The following RABGAP1L variants were observed in gnomAD, a reference collection of about 807,000 sequenced individuals.
RABGAP1L encodes rab GTPase-activating protein 1-like.
A neutral mutation model predicts 137.7 loss-of-function variants in RABGAP1L; 63 were observed. The ratio of observed to expected loss-of-function variants is 0.46; its 90% CI spans 0.37 to 0.56. The LOEUF is 0.56. Ranked by LOEUF, RABGAP1L falls within the 20% of genes least tolerant of loss-of-function variation. The pLI is 0.00. For missense variants in RABGAP1L, 1,095 were observed against 1,244.0 expected (o/e 0.88, Z 1.80); for synonymous variants, 431 against 433.7 (o/e 0.99, Z 0.08).
chr1:174,500,435 A>G (rs903108825), intron 13 of RABGAP1L, among the ~76,000 whole-genome samples: 2 of 151,998 alleles, frequency 1.3e-5, no homozygotes, highest in African/African-American at 4.8e-5. Flanking sequence ...GGCCCCCTCA[A>G]TGTATCATTC....
At chr1:174,587,755 C>A (rs1183472517) in intron 13 of RABGAP1L, among the ~76,000 whole-genome samples, 1 of 152,062 alleles carries the variant, frequency 6.6e-6, no homozygotes, top group Non-Finnish European at 1.5e-5. Flanking sequence ...TATTTTGATA[C>A]AGGCATGCAA....
chr1:174,810,584 G>A (rs1689772769), intron 18 of RABGAP1L, among the ~76,000 whole-genome samples: 1 of 152,160 alleles, frequency 6.6e-6, no homozygotes, highest in African/African-American at 2.4e-5. Flanking sequence ...ACAGCATGTA[G>A]TTATGTGATT....
rs572504464 is a variant in RABGAP1L at position 174,720,931 on chromosome 1, A to G, written c.2169+18675A>G. Reference sequence around the variant, plus strand: ...TTTATGGTGTTTGAATTACATCTCAATGTAACAAAATAACTTGAAGCAGGA... The same window carrying G: ...TTTATGGTGTTTGAATTACATCTCAGTGTAACAAAATAACTTGAAGCAGGA... On this transcript the variant is annotated intron_variant, in intron 17 of 25. Transcript: ENST00000681986. Among the ~76,000 whole-genome samples, 6 of 152,354 alleles carry G rather than the reference A, an allele frequency of 3.9e-5. No individual in the cohort carries two copies. The South Asian group carries it at 8.3e-4, about 21-fold the overall frequency.
At chr1:174,699,405 A>T in intron 15 of RABGAP1L, 120 bp from the exon 16 acceptor site, 1 of 753,358 alleles carries the variant, frequency 1.3e-6, no homozygotes. Flanking sequence ...GCTCTGAAGG[A>T]CTTCATTTGC....
chr1:174,708,535 C>A (rs1028609924), intron 17 of RABGAP1L, among the ~76,000 whole-genome samples: 3 of 152,104 alleles, frequency 2.0e-5, no homozygotes, highest in African/African-American at 7.2e-5. Flanking sequence ...CTGGGAAGCA[C>A]AAGGGGTCAA....
chr1:174,603,994 G>C (rs1670599200), intron 13 of RABGAP1L, among the ~76,000 whole-genome samples: 1 of 151,682 alleles, frequency 6.6e-6, no homozygotes, highest in African/African-American at 2.4e-5. Context: ...CTGGAGCTGT[G>C]AGCTGTGCTG....
intron 7 of RABGAP1L, among the ~76,000 whole-genome samples, chr1:174,261,081 T>C (rs1038616172): frequency 1.3e-5 from 2 of 152,068 alleles, no homozygotes; most frequent in African/African-American, 2.4e-5. Context: ...CACCAGGTTT[T>C]ATGTCTGTCC....
At chr1:174,812,370 C>G (rs1689956500) in intron 19 of RABGAP1L, among the ~76,000 whole-genome samples, 1 of 152,204 alleles carries the variant, frequency 6.6e-6, no homozygotes, top group Non-Finnish European at 1.5e-5. Context: ...TCTTGATCTG[C>G]CCATTCCCAT....
chr1:174,624,340 G>T (rs1041111901), intron 13 of RABGAP1L, among the ~76,000 whole-genome samples: 1 of 151,720 alleles, frequency 6.6e-6, no homozygotes, highest in Non-Finnish European at 1.5e-5. Flanking sequence ...AGTTTTTTTT[G>T]GCTGTTAGCA....
chr1:174,780,143 C>T (rs1686861841), intron 18 of RABGAP1L, among the ~76,000 whole-genome samples: 1 of 151,926 alleles, frequency 6.6e-6, no homozygotes, highest in African/African-American at 2.4e-5. Flanking sequence ...ATTAAAATTT[C>T]CCTCAGTATT....
intron 11 of RABGAP1L, among the ~76,000 whole-genome samples, chr1:174,347,687 G>A (rs1292477632): frequency 1.3e-5 from 2 of 152,030 alleles, no homozygotes; most frequent in East Asian, 3.9e-4. Context: ...GTGGAGATGC[G>A]GTTTCACCGT....
intron 24 of RABGAP1L, among the ~76,000 whole-genome samples, chr1:174,983,655 C>T (rs1671324456): frequency 1.3e-5 from 2 of 152,116 alleles, no homozygotes; most frequent in African/African-American, 4.8e-5. Context: ...CCTTTTTAAG[C>T]TTCATTTTGT....
At position 174,612,525 on chromosome 1, in the gene RABGAP1L, G is replaced by A. The variant is rs374074628; in HGVS notation, c.1711-24850G>A. ...TATTGGTCTAAAATTCTCTTTTTTGGTTGTGTCTCTGCCCGGCTTTGGTAT... is the reference window on the plus strand; with the variant it reads ...TATTGGTCTAAAATTCTCTTTTTTGATTGTGTCTCTGCCCGGCTTTGGTAT... On this transcript the variant is annotated intron_variant, in intron 13 of 25. Transcript: ENST00000681986. Among the ~76,000 whole-genome samples, 5 of 152,120 alleles carry A rather than the reference G, an allele frequency of 3.3e-5. No individual in the cohort carries two copies. In the East Asian group the frequency reaches 9.7e-4, roughly 29 times the overall value.
chr1:174,161,970 C>A (rs936930721), intron 1 of RABGAP1L, among the ~76,000 whole-genome samples: 1 of 151,318 alleles, frequency 6.6e-6, no homozygotes, highest in African/African-American at 2.4e-5. Flanking sequence ...TGGCCTCAGG[C>A]AGTCCTTGCG....
intron 13 of RABGAP1L, among the ~76,000 whole-genome samples, chr1:174,616,943 G>T (rs1254711441): frequency 6.6e-6 from 1 of 152,122 alleles, no homozygotes; most frequent in African/African-American, 2.4e-5. Context: ...TAAAGATCCA[G>T]GAGAGATAAA....
intron 19 of RABGAP1L, among the ~76,000 whole-genome samples, chr1:174,915,419 A>T (rs1040189507): frequency 1.3e-5 from 2 of 151,752 alleles, no homozygotes; most frequent in South Asian, 4.2e-4. Context: ...CATGCCCTTT[A>T]TATATTTTCT....
In RABGAP1L at chr1:174,632,944, G is replaced by A. The variant is rs369853024; in HGVS notation, c.1711-4431G>A. 9.5e-3 allele frequency among the ~76,000 whole-genome samples: 1,452 copies of A among 152,114 alleles called. 18 individuals carry two copies. The highest frequency in any genetic ancestry group is 0.045 in the South Asian group (217 of 4,816). On this transcript the variant is annotated intron_variant, in intron 13 of 25. Coordinates refer to ENST00000681986, the MANE Select transcript of RABGAP1L (RefSeq NM_001366446.1). ...TGTTCCGTTGCTGGTGAGGAACTGCGTTCCTTTGGAGGAGGAGAGGCGCTC... is the reference window on the plus strand; with the variant it reads ...TGTTCCGTTGCTGGTGAGGAACTGCATTCCTTTGGAGGAGGAGAGGCGCTC...
At chr1:174,246,381 A>C (rs1006789388) in intron 5 of RABGAP1L, 1 of 152,264 alleles carries the variant, frequency 6.6e-6, no homozygotes, top group Non-Finnish European at 1.5e-5. Context: ...TATGTGTTTT[A>C]ATAAGTGTGA....
intron 1 of RABGAP1L, among the ~76,000 whole-genome samples, chr1:174,199,178 G>A (rs1667923359): frequency 6.6e-6 from 1 of 152,054 alleles, no homozygotes; most frequent in African/African-American, 2.4e-5. Context: ...AACACTTAAA[G>A]TTATGGGATA....
Sources: gnomAD v4.1 joint callset for allele counts (sites outside exome capture counted in the v4.1 genomes callset) on GRCh38, gnomAD v4.1.1 for gene constraint, MANE v1.5 for transcripts, NCBI Gene and HGNC (gene_info 2026-07-23, HGNC 2026-07-21) for gene names.